ADGRD1: variants seen among roughly 807,000 people sequenced by gnomAD.
ADGRD1 encodes adhesion G protein-coupled receptor D1.
A neutral mutation model predicts 113.4 loss-of-function variants in ADGRD1; 77 were observed. The ratio of observed to expected loss-of-function variants is 0.68; its 90% CI spans 0.57 to 0.82. ADGRD1 has a LOEUF of 0.82. Ranked by LOEUF, ADGRD1 falls within the 40% of genes least tolerant of loss-of-function variation. The pLI is 0.00. For synonymous variants in ADGRD1, 474 were observed against 475.0 expected (o/e 1.00, Z 0.03); for missense variants, 1,036 against 1,139.1 (o/e 0.91, Z 1.30).
intron 12 of ADGRD1, among the ~76,000 whole-genome samples, chr12:131,010,594 T>C (rs1877747313): frequency 6.6e-6 from 1 of 152,188 alleles, no homozygotes; most frequent in African/African-American, 2.4e-5. Context: ...AAGTCCCCTC[T>C]TTGTGTAACG....
At chr12:131,120,554 G>C (rs1354123885) in intron 19 of ADGRD1, 1 of 500,718 alleles carries the variant, frequency 2.0e-6, no homozygotes, top group Non-Finnish European at 3.6e-6. Context: ...CTGCAGGAAA[G>C]CCAGTCCCCA....
chr12:131,112,818 C>T (rs75460907), intron 18 of ADGRD1, among the ~76,000 whole-genome samples: 5,696 of 152,306 alleles, frequency 0.037, 141 homozygotes, highest in Non-Finnish European at 0.052. Flanking sequence ...CTTGTCTCTC[C>T]CAGTGTAGAA....
At position 131,108,749 on chromosome 12, in the gene ADGRD1, T is replaced by A. The variant is rs754799293; in HGVS notation, c.1913T>A (p.Leu638His). Residue 638 changes from leucine to histidine, a missense_variant, in exon 18 of 25, where the codon CTC becomes CAC. Leu to His is a moderately conservative substitution (Grantham distance 99). Coordinates refer to ENST00000261654, the MANE Select transcript of ADGRD1 (RefSeq NM_198827.5). ...ACCCCCTGCCAAGTGATGGCCGTGCTCCTACACTACTTCTTCCTGAGTGCC... is the reference window on the plus strand; with the variant it reads ...ACCCCCTGCCAAGTGATGGCCGTGCACCTACACTACTTCTTCCTGAGTGCC... Reference protein sequence around the residue: ...GTTPCQVMAVLLHYFFLSAFA... With the variant: ...GTTPCQVMAVHLHYFFLSAFA... The A allele has an allele frequency of 1.2e-6, 2 of 1,614,104 alleles. No individual in the cohort carries two copies. Among genetic ancestry groups the A allele is most frequent in the Non-Finnish European group, 1.7e-6 (2 of 1,179,978 alleles).
chr12:131,050,859 G>A lies in ADGRD1; in HGVS notation c.1474-25942G>A, dbSNP rs959963615. ...TACCTCACAAGCAGAGTTCACGGTC[G>A]GTTTGCATTCCTATGAGAATCAAAC... On this transcript the variant is annotated intron_variant, in intron 13 of 24. Transcript: ENST00000261654. This position sits in a 1 kb window ranked among gnomAD's most constrained non-coding sequence, Gnocchi z 4.8. 2.0e-5 allele frequency among the ~76,000 whole-genome samples: 3 copies of A among 152,064 alleles called. No individual in the cohort carries two copies. Among genetic ancestry groups the A allele is most frequent in the Admixed American group, 6.6e-5 (1 of 15,260 alleles).
chr12:131,123,038 A>AGTTTTTTTTTTGTTTT (rs1950637987), intron 20 of ADGRD1, among the ~76,000 whole-genome samples: 1 of 35,386 alleles, frequency 2.8e-5, no homozygotes, highest in Non-Finnish European at 5.9e-5. Context: ...TTACCTGGGG[A>AGTTTTTTTTTTGTTTT]GTTTTTTTTT....
intron 2 of ADGRD1, chr12:130,957,597 T>C (rs1211603): frequency 0.98 from 148,848 of 152,440 alleles, 72,764 homozygotes; most frequent in Middle Eastern, 1. Flanking sequence ...CACATGCACA[T>C]GTGCACTTGC....
intron 13 of ADGRD1, among the ~76,000 whole-genome samples, chr12:131,045,491 A>G (rs992606077): frequency 7.1e-6 from 1 of 140,684 alleles, no homozygotes; most frequent in Admixed American, 7.3e-5. Context: ...GCGGCAGGGC[A>G]GTGCTGTACA....
At chr12:131,054,667 G>A (rs1017650481) in intron 13 of ADGRD1, among the ~76,000 whole-genome samples, 4 of 152,130 alleles carry the variant, frequency 2.6e-5, no homozygotes, top group African/African-American at 4.8e-5. Flanking sequence ...TCTCTGCTGC[G>A]CTGAGAACTC....
At chr12:131,118,299 G>A (rs575552703) in intron 18 of ADGRD1, 86 bp from the exon 19 acceptor site, 1 of 898,494 alleles carries the variant, frequency 1.1e-6, no homozygotes, top group South Asian at 1.5e-5. Context: ...TACAAGGAAT[G>A]AAGAAAGGAA....
chr12:131,101,373 CTTTCT>C (rs374874038), intron 15 of ADGRD1, among the ~76,000 whole-genome samples: 17,452 of 79,578 alleles, frequency 0.22, 3,003 homozygotes, highest in East Asian at 0.69. Context: ...CTTTTTCTTT[CTTTCT>C]TTTTTTTTTT....
intron 11 of ADGRD1, among the ~76,000 whole-genome samples, chr12:131,005,179 T>C (rs35826955): frequency 0.075 from 11,444 of 152,220 alleles, 567 homozygotes; most frequent in Middle Eastern, 0.11. Flanking sequence ...TGTCCTCAAC[T>C]AGCATGATGT....
intron 18 of ADGRD1, 56 bp downstream of exon 18, chr12:131,108,933 T>G (rs1593230187): frequency 1.6e-5 from 12 of 733,018 alleles, no homozygotes; most frequent in South Asian, 4.6e-5. Context: ...AAGAGACAGG[T>G]GGGGATGGGG....
intron 16 of ADGRD1, 100 bp downstream of exon 16, chr12:131,105,034 G>A (rs911442445): frequency 3.3e-5 from 27 of 828,602 alleles, no homozygotes; most frequent in Middle Eastern, 2.3e-4. Context: ...GGCTGTGGAG[G>A]TAAGAGCACC....
chr12:131,123,825 CAAAA>C (rs111915156), intron 20 of ADGRD1, among the ~76,000 whole-genome samples: 1 of 90,502 alleles, frequency 1.1e-5, no homozygotes, highest in Non-Finnish European at 2.2e-5. Context: ...GACTCCGTCT[CAAAA>C]AAAAAAAAAA....
intron 8 of ADGRD1, among the ~76,000 whole-genome samples, chr12:130,997,915 T>C (rs1032659199): frequency 6.6e-6 from 1 of 152,124 alleles, no homozygotes; most frequent in African/African-American, 2.4e-5. Context: ...CTGGGCACCA[T>C]TGAGCACTGA....
chr12:131,123,130 T>C (rs1012777897), intron 20 of ADGRD1, among the ~76,000 whole-genome samples: 1 of 141,606 alleles, frequency 7.1e-6, no homozygotes, highest in Non-Finnish European at 1.5e-5. Flanking sequence ...GATCTTGGCT[T>C]ACTGCAACCT....
At position 131,132,646 on chromosome 12, in the gene ADGRD1, C is replaced by G. The variant is rs1462848261; in HGVS notation, c.2267+830C>G. Among the ~76,000 whole-genome samples the G allele has an allele frequency of 2.6e-5, 4 of 152,218 alleles. No individual in the cohort carries two copies. The East Asian group carries it at 7.7e-4, about 29-fold the overall frequency. On this transcript the variant is annotated intron_variant, in intron 21 of 24. Coordinates refer to ENST00000261654, the MANE Select transcript of ADGRD1 (RefSeq NM_198827.5). ...GGCCCACGGGGGAGTCCCTGTCCCA[C>G]CTGCTGAGACGGAGGCCTGCGCCTG...
chr12:131,101,377 CTTTTTTTTTTT>C lies in ADGRD1; in HGVS notation c.1672-3437_1672-3427del, dbSNP rs71095334. Among the ~76,000 whole-genome samples, 63 of 36,150 alleles carry C rather than the reference CTTTTTTTTTTT, an allele frequency of 1.7e-3. No homozygotes were observed. In the South Asian group the frequency reaches 0.093, roughly 53 times the overall value. 23.7% of individuals were successfully genotyped at this position (36,150 alleles called of 152,430 possible). A position where few individuals can be genotyped will look rare whatever the true frequency, so the allele number is the denominator to read the frequency against. On this transcript the variant is annotated intron_variant, in intron 15 of 24. Transcript: ENST00000261654. ...TTATTTTTTTTCTTTTTCTTTCTTT[CTTTTTTTTTTT>C]TTTTTTTTTTTTTTTTGAGATGGAG... is the stretch of plus-strand genomic sequence containing the variant.
chr12:131,092,103 A>C (rs1477912311), intron 15 of ADGRD1: 1 of 152,252 alleles, frequency 6.6e-6, no homozygotes, highest in Non-Finnish European at 1.5e-5. Flanking sequence ...GTACTGCCGC[A>C]GGTAGGTGGG....
Sources: allele counts gnomAD v4.1 joint callset (sites outside exome capture counted in the v4.1 genomes callset), GRCh38; gene constraint gnomAD v4.1.1; non-coding constraint Gnocchi (gnomAD v3.1); transcripts MANE v1.5; gene names NCBI Gene and HGNC (gene_info 2026-07-23, HGNC 2026-07-21).